ACSF3: variants seen among roughly 807,000 people sequenced by gnomAD.
ACSF3 encodes acyl-CoA synthetase family member 3, also known as malonate--CoA ligase ACSF3, mitochondrial.
Under a neutral mutation model 53.2 loss-of-function variants are expected in ACSF3, and 78 were observed. That is an observed-to-expected ratio of 1.47 (90% confidence interval 1.22 to 1.77). ACSF3 has a LOEUF of 1.77. Ranked by LOEUF, ACSF3 falls within the 40% of genes most tolerant of loss-of-function variation. ACSF3 has a pLI of 0.00. For missense variants in ACSF3, 937 were observed against 771.1 expected (o/e 1.22, Z -2.55); for synonymous variants, 414 against 333.1 (o/e 1.24, Z -2.65).
chr16:89,110,012 G>A (rs771138261), intron 4 of ACSF3, among the ~76,000 whole-genome samples: 15 of 152,078 alleles, frequency 9.9e-5, no homozygotes, highest in Middle Eastern at 3.2e-3. Context: ...TGTGTATTCC[G>A]GATACGAGTC....
intron 8 of ACSF3, among the ~76,000 whole-genome samples, chr16:89,143,252 C>T (rs777618568): frequency 7.9e-5 from 12 of 151,570 alleles, no homozygotes; most frequent in South Asian, 2.1e-4. Context: ...GCAGCCTCAG[C>T]CCCGTGAGTA....
chr16:89,128,849 C>T (rs903568452), intron 7 of ACSF3, among the ~76,000 whole-genome samples: 9 of 152,016 alleles, frequency 5.9e-5, no homozygotes, highest in African/African-American at 2.2e-4. Flanking sequence ...TATATTCTGC[C>T]CAGGCGCAGT....
intron 8 of ACSF3, chr16:89,136,978 TGAC>T (rs1417985830): frequency 9.4e-7 from 1 of 1,067,962 alleles, no homozygotes; most frequent in Non-Finnish European, 1.2e-6. Context: ...GCAGATGCTC[TGAC>T]TCCACGTGCC....
At chr16:89,147,282 C>T (rs1327776797) in intron 10 of ACSF3, among the ~76,000 whole-genome samples, 6 of 75,396 alleles carry the variant, frequency 8.0e-5, no homozygotes, top group East Asian at 6.8e-4. Flanking sequence ...GAGGGAGGGG[C>T]CACAGTGTGA....
At position 89,101,005 on chromosome 16, in the gene ACSF3, C is replaced by T. The variant is rs763021932; in HGVS notation, c.324C>T (p.Tyr108=). 7.4e-6 allele frequency: 12 copies of T among 1,613,582 alleles called. No homozygotes were observed. Among genetic ancestry groups the T allele is most frequent in the Non-Finnish European group, 1.0e-5 (12 of 1,179,764 alleles). ...VSFLCANDAS[Y]VVAQWASWMS... is the part of the protein sequence containing the mutation. ...TCCTATGCGCTAACGATGCCTCCTA[C>T]GTCGTGGCCCAGTGGGCGTCATGGA... The change falls in exon 3 of 11, where the codon TAC becomes TAT. Residue 108 remains tyrosine, a synonymous_variant. Transcript: ENST00000614302.
At position 89,155,013 on chromosome 16, in the gene ACSF3, G is replaced by A. The variant is rs1271410736; in HGVS notation, c.*806G>A. On this transcript the variant is annotated 3_prime_UTR_variant, in exon 11 of 11. Coordinates refer to ENST00000614302, the MANE Select transcript of ACSF3 (RefSeq NM_001243279.3). ...GCCCCATGGCCCCCATTTCATGTCT[G>A]TGGCTCACCAGCTTTTCCCCAGACC... The A allele has an allele frequency of 2.2e-6, 1 of 454,036 alleles. No homozygotes were observed. Among genetic ancestry groups the A allele is most frequent in the East Asian group, 7.0e-5 (1 of 14,380 alleles). 28.1% of individuals were successfully genotyped at this position (454,036 alleles called of 1,614,324 possible).
Position 89,101,399 on chromosome 16 carries a change from G to A in ACSF3, c.666+52G>A, listed in dbSNP as rs61729363. 2,172 of 1,549,198 alleles carry A rather than the reference G, an allele frequency of 1.4e-3. 41 individuals carry two copies. In the African/African-American group the frequency reaches 0.027, roughly 19 times the overall value. ...TTTCGGTGACCGCACAGCACTCCGG[G>A]TGGGCTCCGGGCCAGAAGCACATCT... On this transcript the variant is annotated intron_variant, in intron 3 of 10. Coordinates refer to ENST00000614302, the MANE Select transcript of ACSF3 (RefSeq NM_001243279.3).
chr16:89,123,618 C>T (rs574894376), intron 7 of ACSF3, among the ~76,000 whole-genome samples: 1 of 152,226 alleles, frequency 6.6e-6, no homozygotes, highest in Non-Finnish European at 1.5e-5. Flanking sequence ...ATCCCTAGGC[C>T]TGTGGAGTGA....
chr16:89,110,037 C>T (rs1375661057), intron 4 of ACSF3, among the ~76,000 whole-genome samples: 1 of 152,158 alleles, frequency 6.6e-6, no homozygotes, highest in Non-Finnish European at 1.5e-5. Flanking sequence ...TTCAGATGTA[C>T]GGTTTACAAA....
At position 89,116,464 on chromosome 16, in the gene ACSF3, G is replaced by C. The variant is rs116871557; in HGVS notation, c.1126+1977G>C. On this transcript the variant is annotated intron_variant, in intron 6 of 10. Transcript: ENST00000614302. ...GCTGGCTGCTGGGCTGGGAGGAGGA[G>C]AGACTGTAGGCTCACGCCCCTTTGC... Among the ~76,000 whole-genome samples the C allele has an allele frequency of 9.4e-3, 1,431 of 152,316 alleles. 7 individuals carry two copies. The highest frequency in any genetic ancestry group is 0.015 in the Non-Finnish European group (1,037 of 68,028).
At position 89,110,671 on chromosome 16, in the gene ACSF3, G is replaced by A. The variant is rs150984041; in HGVS notation, c.823-1421G>A. 4.2e-3 allele frequency among the ~76,000 whole-genome samples: 644 copies of A among 152,330 alleles called. 8 individuals carry two copies. Among genetic ancestry groups the A allele is most frequent in the African/African-American group, 0.015 (605 of 41,572 alleles). ...CCTTTTCGTGTAAAACGTAGGATAA[G>A]TGTATCAATTTCTGCAAAATAAAGC... On this transcript the variant is annotated intron_variant, in intron 4 of 10. Transcript: ENST00000614302.
Position 89,098,741 on chromosome 16 carries a change from CCTCT to C in ACSF3, c.-38_-35del, listed in dbSNP as rs759497869. ...GTGAACTGCGAACTTCCCCTTACCT[CCTCT>C]CTCTGGCTCGGGAGCTGGGTGAGTT... is the stretch of plus-strand genomic sequence containing the variant. On this transcript the variant is annotated 5_prime_UTR_variant, in exon 2 of 11. Coordinates refer to ENST00000614302, the MANE Select transcript of ACSF3 (RefSeq NM_001243279.3). 2.2e-6 allele frequency: 1 copy of C among 454,180 alleles called. No individual in the cohort carries two copies. The allele number at this position is 454,180 out of a possible 1,614,324, so 28.1% of individuals were successfully genotyped here.
chr16:89,098,893 G>A (rs759049458), intron 2 of ACSF3, 130 bp downstream of exon 2: 9 of 406,834 alleles, frequency 2.2e-5, no homozygotes, highest in African/African-American at 8.2e-5. Flanking sequence ...TGTATTAGAC[G>A]GTAGCATCAT....
chr16:89,142,933 CAT>C (rs2151555231), intron 8 of ACSF3, among the ~76,000 whole-genome samples: 3 of 152,316 alleles, frequency 2.0e-5, no homozygotes, highest in South Asian at 4.1e-4. Context: ...AAATTAAGCT[CAT>C]GTGAGTTTGT....
chr16:89,114,078 A>G (rs1904585691), intron 5 of ACSF3: 1 of 534,762 alleles, frequency 1.9e-6, no homozygotes, highest in East Asian at 3.6e-5. Flanking sequence ...GTTTACCCTC[A>G]TTAGCTGTTG....
chr16:89,135,630 G>A (rs1239235373), intron 8 of ACSF3, among the ~76,000 whole-genome samples: 3 of 152,258 alleles, frequency 2.0e-5, no homozygotes, highest in Non-Finnish European at 4.4e-5. Flanking sequence ...AGCGCATGCT[G>A]ATCTGGGGAA....
intron 7 of ACSF3, among the ~76,000 whole-genome samples, chr16:89,130,780 G>C (rs1453534192): frequency 6.6e-6 from 1 of 152,010 alleles, no homozygotes; most frequent in Non-Finnish European, 1.5e-5. Context: ...ACCAAATTTT[G>C]GGTTTTTAGC....
intron 5 of ACSF3, chr16:89,113,691 G>C (rs1904475091): frequency 5.8e-6 from 1 of 172,810 alleles, no homozygotes; most frequent in Admixed American, 5.5e-5. Flanking sequence ...CTTCCCTACT[G>C]CCCGTGAGGC....
At chr16:89,104,201 C>T (rs893885399) in intron 4 of ACSF3, among the ~76,000 whole-genome samples, 9 of 152,252 alleles carry the variant, frequency 5.9e-5, no homozygotes, top group South Asian at 2.1e-4. Context: ...AGCCTCTGCC[C>T]GTATAATGAA....
Sources: gnomAD v4.1 joint callset for allele counts (sites outside exome capture counted in the v4.1 genomes callset) on GRCh38, gnomAD v4.1.1 for gene constraint, MANE v1.5 for transcripts, NCBI Gene and HGNC (gene_info 2026-07-23, HGNC 2026-07-21) for gene names.